The following LRRC18 variants were observed in gnomAD, a reference collection of about 807,000 sequenced individuals.
LRRC18 encodes leucine-rich repeat-containing protein 18.
A neutral mutation model predicts 11.2 loss-of-function variants in LRRC18; 12 were observed. That is an observed-to-expected ratio of 1.07 (90% confidence interval 0.69 to 1.74). The LOEUF is 1.74. LRRC18 is among the 40% of genes most tolerant of loss of function. The pLI is 0.00. For missense variants in LRRC18, 374 were observed against 330.5 expected, an observed-to-expected ratio of 1.13 and a Z score of -1.02; for synonymous variants, 155 against 130.6, an observed-to-expected ratio of 1.19 and a Z score of -1.27.
chr10:48,926,994 G>A, the LRRC18 span, among the ~76,000 whole-genome samples: 1 of 152,198 alleles, frequency 6.6e-6, no homozygotes, highest in Non-Finnish European at 1.5e-5. Context: ...ATTGCCCAGG[G>A]ACATTGGCCA....
chr10:48,922,888 G>A, the LRRC18 span, among the ~76,000 whole-genome samples: 12 of 152,316 alleles, frequency 7.9e-5, no homozygotes, highest in South Asian at 2.5e-3. Context: ...AGGGGTTGGG[G>A]AAAGGCTTGA....
chr10:48,914,104 C>T (rs765342136), exon 1 of LRRC18: 2 of 1,614,176 alleles, frequency 1.2e-6, no homozygotes, highest in East Asian at 4.5e-5. Flanking sequence ...CAATTCCTGG[C>T]CACCTTGAGG....
At chr10:48,913,496 G>T in exon 1 of LRRC18, 3 of 1,613,732 alleles carry the variant, frequency 1.9e-6, no homozygotes, top group Non-Finnish European at 2.5e-6. Context: ...TTCTATTCAG[G>T]TTGTCCCGGG....
At chr10:48,937,732 T>TG in the LRRC18 span, among the ~76,000 whole-genome samples, 3 of 152,236 alleles carry the variant, frequency 2.0e-5, no homozygotes, top group African/African-American at 7.2e-5. Context: ...AGAGGTTTAA[T>TG]GAGCTGTTCA....
chr10:48,914,117 G>T, exon 1 of LRRC18: 1 of 1,614,154 alleles, frequency 6.2e-7, no homozygotes, highest in Non-Finnish European at 8.5e-7. Flanking sequence ...CCTTGAGGGT[G>T]ATCTTCTTGC....
chr10:48,920,571 G>A, the LRRC18 span, among the ~76,000 whole-genome samples: 1 of 152,274 alleles, frequency 6.6e-6, no homozygotes, highest in African/African-American at 2.4e-5. Flanking sequence ...CATACTTCGT[G>A]AAGGACAGAA....
chr10:48,926,552 G>T, the LRRC18 span, among the ~76,000 whole-genome samples: 2 of 152,170 alleles, frequency 1.3e-5, no homozygotes, highest in African/African-American at 4.8e-5. Flanking sequence ...ACCTTTTGGA[G>T]GAACTGACCA....
chr10:48,927,626 TATTTACTTCTCTATCCTTCGC>T, the LRRC18 span, among the ~76,000 whole-genome samples: 1 of 152,232 alleles, frequency 6.6e-6, no homozygotes, highest in Non-Finnish European at 1.5e-5. Context: ...CCCCTAGTAT[TATTTACTTCTCTATCCTTCGC>T]ACCAGCGTGG....
At chr10:48,910,408 G>A in intron 1 of LRRC18, 150 bp from the exon 4 acceptor site, 7 of 719,266 alleles carry the variant, frequency 9.7e-6, no homozygotes, top group Admixed American at 8.1e-5. Flanking sequence ...TGTATTTGAG[G>A]AAAGAGAACA....
the LRRC18 span, among the ~76,000 whole-genome samples, chr10:48,921,108 T>C: frequency 9.1e-4 from 139 of 152,286 alleles, 2 homozygotes; most frequent in East Asian, 0.024. Context: ...TATTTACATA[T>C]ATGGATGAAT....
At chr10:48,922,614 G>C in the LRRC18 span, among the ~76,000 whole-genome samples, 1 of 152,138 alleles carries the variant, frequency 6.6e-6, no homozygotes, top group Non-Finnish European at 1.5e-5. Context: ...TTTCCTATAG[G>C]AAAAACATAG....
At chr10:48,914,696 C>T (rs1442234833), upstream of LRRC18, among the ~76,000 whole-genome samples, 2 of 152,176 alleles carry the variant, frequency 1.3e-5, no homozygotes, top group Admixed American at 1.3e-4. Flanking sequence ...AAGGTGGGTA[C>T]TAAGACCAAC....
chr10:48,933,019 C>T, the LRRC18 span, among the ~76,000 whole-genome samples: 3 of 151,928 alleles, frequency 2.0e-5, no homozygotes, highest in East Asian at 1.9e-4. Context: ...TAACGCTGGC[C>T]GTGGGGAGGC....
the LRRC18 span, among the ~76,000 whole-genome samples, chr10:48,924,002 G>A: frequency 1.3e-5 from 2 of 152,218 alleles, no homozygotes; most frequent in African/African-American, 2.4e-5. Context: ...ATGGTGATGA[G>A]GAAGCAGCAC....
At chr10:48,913,428 G>T in exon 1 of LRRC18, 1 of 1,612,978 alleles carries the variant, frequency 6.2e-7, no homozygotes, top group Non-Finnish European at 8.5e-7. Context: ...CATGGAATTG[G>T]GTGAGATCAG....
At chr10:48,913,262 A>T in intron 1 of LRRC18, 130 bp downstream of exon 3, 1 of 815,134 alleles carries the variant, frequency 1.2e-6, no homozygotes, top group Non-Finnish European at 2.0e-6. Flanking sequence ...TAAGGAAAGG[A>T]GTTTTATGGG....
chr10:48,919,366 T>C, the LRRC18 span, among the ~76,000 whole-genome samples: 315 of 152,314 alleles, frequency 2.1e-3, 1 homozygote, highest in African/African-American at 6.8e-3. Context: ...TAGACCTGTA[T>C]TTATTGAAGA....
chr10:48,913,855 G>A, exon 1 of LRRC18: 1 of 1,614,104 alleles, frequency 6.2e-7, no homozygotes, highest in South Asian at 1.1e-5. Flanking sequence ...CTGACGTTGA[G>A]GTAGAGCAGG....
upstream of LRRC18, among the ~76,000 whole-genome samples, chr10:48,917,049 T>C (rs561408279): frequency 5.3e-5 from 8 of 152,326 alleles, no homozygotes; most frequent in Admixed American, 1.3e-4. Flanking sequence ...TGTGTTACAA[T>C]TGCCTATAGT....
Sources: allele counts gnomAD v4.1 joint callset (sites outside exome capture counted in the v4.1 genomes callset), GRCh38; gene constraint gnomAD v4.1.1; transcripts MANE v1.5; gene names NCBI Gene and HGNC (gene_info 2026-07-23, HGNC 2026-07-21).